F13A1: variants seen among roughly 807,000 people sequenced by gnomAD.
F13A1 encodes the protein coagulation factor XIII A chain.
In F13A1, 47 loss-of-function variants were observed where a neutral mutation model predicts 80.1. The observed-to-expected ratio is 0.59, with a 90% CI of 0.46 to 0.75. The LOEUF (loss-of-function observed/expected upper bound fraction) is 0.75, where lower values mean the gene tolerates loss of function less well. Ranked by LOEUF, F13A1 falls within the 30% of genes least tolerant of loss-of-function variation. The pLI is 0.00. For missense variants in F13A1, 817 were observed against 930.4 expected, an observed-to-expected ratio of 0.88 and a Z score of 1.59; for synonymous variants, 349 against 344.9, an observed-to-expected ratio of 1.01 and a Z score of -0.13.
At chr6:6,152,030 C>A in intron 13 of F13A1, 81 bp from the exon 14 acceptor site, 1 of 1,551,630 alleles carries the variant, frequency 6.4e-7, no homozygotes, top group East Asian at 2.3e-5. Flanking sequence ...ATCACTTTTA[C>A]TAGAGTTTTA....
intron 8 of F13A1, among the ~76,000 whole-genome samples, chr6:6,210,364 A>G (rs1349625235): frequency 2.5e-5 from 1 of 40,766 alleles, no homozygotes; most frequent in African/African-American, 1.2e-4. Flanking sequence ...TTTTTTTTTT[A>G]GAGGCAGTCT....
In F13A1 at chr6:6,195,778, C is replaced by G. The variant is rs771765208; in HGVS notation, c.1305+19G>C. ...AGGTTGGGGAGAAAAACAGCACTTT[C>G]CTCCAGCTTCCTGCTTACCTCTGCA... On this transcript the variant is annotated intron_variant, in intron 10 of 14. Transcript: ENST00000264870. The G allele has an allele frequency of 6.2e-7, 1 of 1,610,124 alleles. No individual in the cohort carries two copies. The highest frequency in any genetic ancestry group is 8.5e-7 in the Non-Finnish European group (1 of 1,177,068).
chr6:6,195,909 G>C, intron 9 of F13A1, 24 bp from the exon 10 acceptor site: 1 of 1,607,422 alleles, frequency 6.2e-7, no homozygotes, highest in African/African-American at 1.3e-5. Context: ...AGGAAGGGCG[G>C]TGTGAGTTTG....
chr6:6,179,108 T>C (rs905037987), intron 11 of F13A1, among the ~76,000 whole-genome samples: 1 of 152,166 alleles, frequency 6.6e-6, no homozygotes, highest in Non-Finnish European at 1.5e-5. Flanking sequence ...TATTTGAGCC[T>C]GCTTAAATGC....
intron 3 of F13A1, among the ~76,000 whole-genome samples, chr6:6,288,691 C>T (rs1441774327): frequency 6.6e-6 from 1 of 152,204 alleles, no homozygotes; most frequent in Non-Finnish European, 1.5e-5. Flanking sequence ...ATTGCTGAAT[C>T]ACGTTAGTTC....
intron 6 of F13A1, among the ~76,000 whole-genome samples, chr6:6,231,407 C>A (rs992232054): frequency 6.6e-5 from 10 of 152,060 alleles, no homozygotes; most frequent in African/African-American, 2.2e-4. Context: ...ATGAACAAAG[C>A]CACCAAGAAG....
chr6:6,286,961 T>C (rs1414907472), intron 3 of F13A1, among the ~76,000 whole-genome samples: 1 of 152,328 alleles, frequency 6.6e-6, no homozygotes, highest in East Asian at 1.9e-4. Context: ...CTTTCCTACA[T>C]AGTTGCAATA....
At chr6:6,265,016 T>C (rs1219350668) in intron 4 of F13A1, among the ~76,000 whole-genome samples, 1 of 152,154 alleles carries the variant, frequency 6.6e-6, no homozygotes, top group Non-Finnish European at 1.5e-5. Context: ...ATCCCAACAC[T>C]TTGGGAGGCT....
At chr6:6,163,283 T>C (rs937015979) in intron 13 of F13A1, among the ~76,000 whole-genome samples, 1 of 152,208 alleles carries the variant, frequency 6.6e-6, no homozygotes, top group African/African-American at 2.4e-5. Flanking sequence ...CTCTGAGCCA[T>C]TGTGGTTTCG....
At chr6:6,286,242 C>T (rs1030245651) in intron 3 of F13A1, among the ~76,000 whole-genome samples, 5 of 152,068 alleles carry the variant, frequency 3.3e-5, no homozygotes, top group African/African-American at 9.7e-5. Flanking sequence ...AAAAATTAGC[C>T]GTGTGTTGTG....
chr6:6,286,244 T>G (rs4960185), intron 3 of F13A1, among the ~76,000 whole-genome samples: 98,457 of 152,092 alleles, frequency 0.65, 33,430 homozygotes, highest in African/African-American at 0.87. Context: ...AAATTAGCCG[T>G]GTGTTGTGGC....
At chr6:6,190,333 T>G (rs572573355) in intron 10 of F13A1, among the ~76,000 whole-genome samples, 15 of 152,310 alleles carry the variant, frequency 9.8e-5, no homozygotes, top group African/African-American at 3.6e-4. Context: ...TTCTGCTCTG[T>G]TTTTTCCCCA....
chr6:6,319,885 A>C (rs953210801), intron 1 of F13A1, among the ~76,000 whole-genome samples: 1 of 152,104 alleles, frequency 6.6e-6, no homozygotes, highest in African/African-American at 2.4e-5. Context: ...CTGACGGGGG[A>C]AGGGAGGGAG....
chr6:6,261,168 C>G (rs775652918), intron 4 of F13A1, among the ~76,000 whole-genome samples: 8 of 152,128 alleles, frequency 5.3e-5, no homozygotes, highest in Non-Finnish European at 1.0e-4. Context: ...GGGGTTTCAC[C>G]ATGTTGATCA....
At chr6:6,219,318 T>A (rs564276865) in intron 8 of F13A1, among the ~76,000 whole-genome samples, 93 of 143,710 alleles carry the variant, frequency 6.5e-4, no homozygotes, top group South Asian at 3.0e-3. Context: ...CTGTTTAGCC[T>A]CCACCCTCAC....
chr6:6,317,720 C>T (rs1400208583), intron 2 of F13A1, among the ~76,000 whole-genome samples: 2 of 152,096 alleles, frequency 1.3e-5, no homozygotes, highest in Non-Finnish European at 2.9e-5. Context: ...GGTGTTTATC[C>T]CCAGTGAAAC....
intron 1 of F13A1, 24 bp downstream of exon 1, chr6:6,320,563 T>C (rs756572951): frequency 1.8e-5 from 8 of 449,912 alleles, no homozygotes; most frequent in Non-Finnish European, 2.8e-5. Context: ...CCCTGGCTCA[T>C]AGGGTGCAGG....
chr6:6,294,991 G>C (rs11243072), intron 3 of F13A1, among the ~76,000 whole-genome samples: 7 of 142,436 alleles, frequency 4.9e-5, no homozygotes. Context: ...GAGAATATGC[G>C]GTGTTTGGTT....
At chr6:6,192,103 C>T (rs936833671) in intron 10 of F13A1, among the ~76,000 whole-genome samples, 1 of 152,140 alleles carries the variant, frequency 6.6e-6, no homozygotes, top group Non-Finnish European at 1.5e-5. Context: ...AGTGCTGACA[C>T]AAGAGGATGT....
Sources: gnomAD v4.1 joint callset for allele counts (sites outside exome capture counted in the v4.1 genomes callset) on GRCh38, gnomAD v4.1.1 for gene constraint, MANE v1.5 for transcripts, NCBI Gene and HGNC (gene_info 2026-07-23, HGNC 2026-07-21) for gene names.